Variants in MCUB observed in about 807,000 individuals in gnomAD.
The protein encoded by MCUB is calcium uniporter regulatory subunit MCUb, mitochondrial.
In MCUB, 46 loss-of-function variants were observed where a neutral mutation model predicts 41.4. The observed-to-expected ratio is 1.11, with a 90% CI of 0.88 to 1.42. The LOEUF (loss-of-function observed/expected upper bound fraction) is 1.42, where lower values mean the gene tolerates loss of function less well. Ranked by LOEUF, MCUB falls within the 40% of genes most tolerant of loss-of-function variation. The pLI is 0.00. For missense variants in MCUB, 403 were observed against 404.9 expected (o/e 1.00, Z 0.04); for synonymous variants, 148 against 148.2 (o/e 1.00, Z 0.01).
At chr4:109,657,539 T>C (rs951499377) in intron 1 of MCUB, among the ~76,000 whole-genome samples, 7 of 152,178 alleles carry the variant, frequency 4.6e-5, no homozygotes, top group Non-Finnish European at 7.3e-5. Flanking sequence ...GGCAAACTTA[T>C]TGTTAATAAA....
chr4:109,676,219 T>C (rs761624005), intron 4 of MCUB, among the ~76,000 whole-genome samples: 16 of 152,068 alleles, frequency 1.1e-4, no homozygotes, highest in Non-Finnish European at 2.1e-4. Flanking sequence ...TTTACTTAAG[T>C]GGTCATGATC....
At chr4:109,655,550 C>A (rs188421700) in intron 1 of MCUB, among the ~76,000 whole-genome samples, 1 of 152,022 alleles carries the variant, frequency 6.6e-6, no homozygotes, top group Non-Finnish European at 1.5e-5. Context: ...TTCAATCGCT[C>A]GTGAAATTCC....
intron 4 of MCUB, among the ~76,000 whole-genome samples, chr4:109,681,122 C>G (rs1412010428): frequency 1.3e-5 from 2 of 152,100 alleles, no homozygotes; most frequent in Non-Finnish European, 2.9e-5. Context: ...AGAAAACAAA[C>G]AGTAGTTTAT....
At chr4:109,673,741 C>A (rs976484612) in intron 4 of MCUB, 8 of 525,546 alleles carry the variant, frequency 1.5e-5, no homozygotes, top group Non-Finnish European at 2.7e-5. Flanking sequence ...ACAAGGAAGA[C>A]ACATAAATGA....
intron 1 of MCUB, among the ~76,000 whole-genome samples, chr4:109,658,695 T>C (rs1358658036): frequency 6.6e-6 from 1 of 152,206 alleles, no homozygotes; most frequent in Non-Finnish European, 1.5e-5. Context: ...TCCATTTGTT[T>C]TAGATTATTA....
chr4:109,563,978 A>G (rs535992259), intron 1 of MCUB, among the ~76,000 whole-genome samples: 2 of 152,244 alleles, frequency 1.3e-5, no homozygotes, highest in South Asian at 2.1e-4. Flanking sequence ...CTCAGGAAGA[A>G]CTCATATTTG....
intron 1 of MCUB, 39 bp downstream of exon 1, chr4:109,560,475 C>T: frequency 2.0e-6 from 2 of 1,019,910 alleles, no homozygotes; most frequent in South Asian, 3.6e-5. Context: ...TCGGGGTAGG[C>T]TGGTGCAAAG....
At chr4:109,612,263 C>CTTTTTTTTTTT (rs56813205) in intron 1 of MCUB, among the ~76,000 whole-genome samples, 1 of 114,842 alleles carries the variant, frequency 8.7e-6, no homozygotes, top group African/African-American at 3.4e-5. Flanking sequence ...TCCTCCTTTT[C>CTTTTTTTTTTT]TTTTTTTTTT....
intron 1 of MCUB, among the ~76,000 whole-genome samples, chr4:109,641,149 C>T (rs1039511118): frequency 6.6e-6 from 1 of 152,022 alleles, no homozygotes; most frequent in African/African-American, 2.4e-5. Flanking sequence ...GTCGCCCCGG[C>T]TGGCGTGATG....
At chr4:109,630,025 A>G (rs1728439846) in intron 1 of MCUB, among the ~76,000 whole-genome samples, 2 of 152,212 alleles carry the variant, frequency 1.3e-5, no homozygotes, top group African/African-American at 4.8e-5. Context: ...ATCGGTCAAC[A>G]CATTAGCATA....
intron 6 of MCUB, 43 bp downstream of exon 6, chr4:109,684,689 C>T (rs370475369): frequency 1.2e-5 from 11 of 918,014 alleles, no homozygotes; most frequent in Non-Finnish European, 1.7e-5. Context: ...AACATCTTTG[C>T]AAAGAATGTC....
Position 109,562,881 on chromosome 4 carries a change from GA to G in MCUB, c.99+2454del, listed in dbSNP as rs67010659. On this transcript the variant is annotated intron_variant, in intron 1 of 7. Transcript: ENST00000394650. ...TCTGCTAGTGTTTTCTGGGTGAGGG[GA>G]AAAAAAAACAGTTTGTTGACATGGA... 3.4e-3 allele frequency among the ~76,000 whole-genome samples: 507 copies of G among 149,818 alleles called. 3 individuals are homozygous for G. Among genetic ancestry groups the G allele is most frequent in the African/African-American group, 0.011 (468 of 40,750 alleles).
At chr4:109,659,409 G>A (rs183013778) in intron 2 of MCUB, among the ~76,000 whole-genome samples, 17 of 152,206 alleles carry the variant, frequency 1.1e-4, no homozygotes, top group Non-Finnish European at 1.8e-4. Flanking sequence ...GGCCAACAAA[G>A]CAAAACCCCA....
chr4:109,568,687 A>G (rs1469558194), intron 1 of MCUB, among the ~76,000 whole-genome samples: 1 of 152,126 alleles, frequency 6.6e-6, no homozygotes, highest in Non-Finnish European at 1.5e-5. Context: ...CACAATACTT[A>G]CAGAACTTAC....
intron 4 of MCUB, among the ~76,000 whole-genome samples, chr4:109,681,750 C>T (rs981194800): frequency 1.3e-5 from 2 of 152,224 alleles, no homozygotes; most frequent in African/African-American, 2.4e-5. Flanking sequence ...GCACAGTGGA[C>T]ACCCTGCTGG....
In MCUB at chr4:109,664,403, C is replaced by T. The variant is rs760697152; in HGVS notation, c.451+9C>T. The T allele has an allele frequency of 2.7e-5, 25 of 939,506 alleles. No homozygotes were observed. The highest frequency in any genetic ancestry group is 2.7e-4 in the Middle Eastern group (1 of 3,746). 58.2% of individuals were successfully genotyped at this position (939,506 alleles called of 1,614,324 possible). Reference sequence around the variant, plus strand: ...GCAGTGTCCAAAGAGAGGTAAGAAACACAGCTATCCAACTATTACTTTTTT... The same window carrying T: ...GCAGTGTCCAAAGAGAGGTAAGAAATACAGCTATCCAACTATTACTTTTTT... On this transcript the variant is annotated intron_variant, in intron 4 of 7. Coordinates refer to ENST00000394650, the MANE Select transcript of MCUB (RefSeq NM_017918.5).
At chr4:109,569,419 A>G (rs973984517) in intron 1 of MCUB, among the ~76,000 whole-genome samples, 1 of 152,002 alleles carries the variant, frequency 6.6e-6, no homozygotes, top group Non-Finnish European at 1.5e-5. Flanking sequence ...GGATTTTTAA[A>G]GGGCATAATT....
intron 1 of MCUB, among the ~76,000 whole-genome samples, chr4:109,595,379 T>A (rs867851674): frequency 6.6e-6 from 1 of 152,014 alleles, no homozygotes; most frequent in African/African-American, 2.4e-5. Flanking sequence ...TGTAAAAAAA[T>A]GATAGCGTCA....
At chr4:109,562,644 A>C (rs1307345481) in intron 1 of MCUB, among the ~76,000 whole-genome samples, 1 of 152,206 alleles carries the variant, frequency 6.6e-6, no homozygotes, top group East Asian at 1.9e-4. Context: ...AGAGCCTATG[A>C]AGCAGCTAGA....
Sources: gnomAD v4.1 joint callset for allele counts (sites outside exome capture counted in the v4.1 genomes callset) on GRCh38, gnomAD v4.1.1 for gene constraint, MANE v1.5 for transcripts, NCBI Gene and HGNC (gene_info 2026-07-23, HGNC 2026-07-21) for gene names.